The following FGD2 variants were observed in gnomAD, a reference collection of about 807,000 sequenced individuals.
FGD2 encodes the protein FYVE, RhoGEF and PH domain containing 2.
A neutral mutation model predicts 75.9 loss-of-function variants in FGD2; 52 were observed. The ratio of observed to expected loss-of-function variants is 0.69; its 90% CI spans 0.55 to 0.86. The LOEUF (loss-of-function observed/expected upper bound fraction) is 0.86. Ranked by LOEUF, FGD2 falls within the 40% of genes least tolerant of loss-of-function variation. The pLI, the probability that FGD2 is intolerant of heterozygous loss-of-function variation, is 0.00. For synonymous variants in FGD2, 347 were observed against 348.6 expected (o/e 1.00, Z 0.05); for missense variants, 790 against 872.0 (o/e 0.91, Z 1.18).
In FGD2 at chr6:37,027,990, G is replaced by C. The variant is rs748965234; in HGVS notation, c.1795G>C (p.Val599Leu). ...CTCCATCCCCCTGCTGGGCTACCAG[G>C]TGACTGTTGGGCCCCAGGGGGACCC... is the stretch of plus-strand genomic sequence containing the variant. ...HTSIPLLGYQVTVGPQGDPRV... is the reference protein window; with the variant it reads ...HTSIPLLGYQLTVGPQGDPRV... The change falls in exon 16 of 16, where the codon GTG becomes CTG. Residue 599 changes from valine (V) to leucine (L), a missense_variant. Transcript: ENST00000274963. 45 of 1,613,982 alleles carry C rather than the reference G, an allele frequency of 2.8e-5. No homozygotes were observed. In the South Asian group the frequency reaches 3.3e-4, roughly 12 times the overall value.
At chr6:37,014,399 T>C (rs571223384) in intron 6 of FGD2, 2 of 619,530 alleles carry the variant, frequency 3.2e-6, no homozygotes, top group South Asian at 4.0e-5. Flanking sequence ...AGGTCTGGCT[T>C]GTTTTGGGAA....
chr6:37,027,516 G>C lies in FGD2; in HGVS notation c.1693G>C (p.Gly565Arg). ...GDKWGKSGPR[G>R]WCVIPRDDPL... ...CAAGTGGGGCAAGAGCGGCCCCCGG[G>C]GCTGGTGTGTGATCCCTCGGGATGA... The change falls in exon 15 of 16, where the codon GGC becomes CGC. Residue 565 changes from glycine to arginine, a missense_variant. Gly to Arg is a moderately radical substitution (Grantham distance 125). Transcript: ENST00000274963. 6.2e-7 allele frequency: 1 copy of C among 1,614,112 alleles called. No individual in the cohort carries two copies. The highest frequency in any genetic ancestry group is 8.5e-7 in the Non-Finnish European group (1 of 1,179,984).
At chr6:37,011,887 A>G in intron 4 of FGD2, 33 bp downstream of exon 4, 2 of 1,607,648 alleles carry the variant, frequency 1.2e-6, no homozygotes, top group Non-Finnish European at 1.7e-6. Context: ...GAGGCCTCAG[A>G]CCACAGCCCT....
intron 9 of FGD2, among the ~76,000 whole-genome samples, chr6:37,017,434 G>A (rs1165308205): frequency 6.6e-6 from 1 of 152,238 alleles, no homozygotes; most frequent in Non-Finnish European, 1.5e-5. Context: ...TAGTTCGAGT[G>A]ACCAAGCCAG....
chr6:37,014,577 C>A, intron 6 of FGD2, 69 bp from the exon 7 acceptor site: 1 of 1,583,908 alleles, frequency 6.3e-7, no homozygotes, highest in Non-Finnish European at 8.6e-7. Context: ...TGTTGAACTT[C>A]AAGGACCTCC....
At chr6:37,008,355 T>A (rs181650084) in intron 1 of FGD2, among the ~76,000 whole-genome samples, 26 of 152,346 alleles carry the variant, frequency 1.7e-4, no homozygotes, top group Admixed American at 7.8e-4. Context: ...TGGCTCTCCC[T>A]GCTTCTGGAC....
In FGD2 at chr6:37,027,867, G is replaced by A. The variant is rs765393365; in HGVS notation, c.1753-81G>A. On this transcript the variant is annotated intron_variant, in intron 15 of 15. Coordinates refer to ENST00000274963, the MANE Select transcript of FGD2 (RefSeq NM_173558.4). ...GGTTTAGGGTGTGAGCTGTGCGTGC[G>A]TGGCTGTTGCCTTCACGATGGCTAT... 90 of 1,479,568 alleles carry A rather than the reference G, an allele frequency of 6.1e-5. 1 individual carries two copies. Among genetic ancestry groups the A allele is most frequent in the South Asian group, 7.3e-5 (6 of 82,104 alleles). The allele number at this position is 1,479,568 out of a possible 1,614,324, so 91.7% of individuals were successfully genotyped here. A position where few individuals can be genotyped will look rare whatever the true frequency, so the allele number is the denominator to read the frequency against.
At chr6:37,018,446 G>A (rs1164887511) in intron 9 of FGD2, among the ~76,000 whole-genome samples, 1 of 152,174 alleles carries the variant, frequency 6.6e-6, no homozygotes, top group Admixed American at 6.5e-5. Flanking sequence ...GGCAAATCTT[G>A]CCTTTGACCA....
Position 37,027,987 on chromosome 6 carries a change from C to T in FGD2, c.1792C>T (p.Gln598Ter). The T allele has an allele frequency of 1.2e-6, 2 of 1,614,094 alleles. No individual in the cohort carries two copies. Among genetic ancestry groups the T allele is most frequent in the Non-Finnish European group, 1.7e-6 (2 of 1,180,024 alleles). ...AHTSIPLLGY[Q>*]VTVGPQGDPR... ...CACCTCCATCCCCCTGCTGGGCTAC[C>T]AGGTGACTGTTGGGCCCCAGGGGGA... is the stretch of plus-strand genomic sequence containing the variant. The change falls in exon 16 of 16, where the codon CAG (glutamine) becomes TAG (stop). Residue 598 changes from glutamine to a stop codon, truncating the protein, a stop_gained. Transcript: ENST00000274963. LOFTEE classifies it low-confidence loss of function (END_TRUNC).
At chr6:37,026,573 T>A (rs1238615002) in intron 14 of FGD2, among the ~76,000 whole-genome samples, 1 of 152,102 alleles carries the variant, frequency 6.6e-6, no homozygotes, top group Non-Finnish European at 1.5e-5. Flanking sequence ...ACAAATACAA[T>A]GTCAACCAGC....
At position 37,022,394 on chromosome 6, in the gene FGD2, T is replaced by C. The variant is rs771649383; in HGVS notation, c.1458+24T>C. On this transcript the variant is annotated intron_variant, in intron 13 of 15. Transcript: ENST00000274963. Reference sequence around the variant, plus strand: ...ATGTGAGTACTCCTGCCAGCACTCCTGCCTCCACCTGCGTCACCCAGGCCT... The same window carrying C: ...ATGTGAGTACTCCTGCCAGCACTCCCGCCTCCACCTGCGTCACCCAGGCCT... The C allele has an allele frequency of 2.1e-5, 32 of 1,546,044 alleles. No individual in the cohort carries two copies. In the Middle Eastern group the frequency reaches 5.1e-4, roughly 25 times the overall value.
In FGD2 at chr6:37,008,909, CCCAGGACCA is replaced by C; in HGVS notation, c.146_154del (p.Pro49_Pro51del). The C allele has an allele frequency of 1.2e-6, 2 of 1,614,192 alleles. No homozygotes were observed. The highest frequency in any genetic ancestry group is 1.7e-6 in the Non-Finnish European group (2 of 1,180,030). On this transcript the variant is annotated inframe_deletion, in exon 2 of 16. Transcript: ENST00000274963. ...GCCCTGAGTGCAGGCCTCCCGAGTCCCCAGGACCACGGGAGAAGACGAATGTCGGGGAGG... is the reference window on the plus strand; with the variant it reads ...GCCCTGAGTGCAGGCCTCCCGAGTCCCGGGAGAAGACGAATGTCGGGGAGG...
chr6:37,006,393 G>A (rs1764754299), intron 1 of FGD2, among the ~76,000 whole-genome samples: 1 of 152,182 alleles, frequency 6.6e-6, no homozygotes, highest in Non-Finnish European at 1.5e-5. Flanking sequence ...CCTACTCTAA[G>A]TTCATGTCCT....
chr6:37,025,775 T>A lies in FGD2; in HGVS notation c.1459-17T>A, dbSNP rs536871567. On this transcript the variant is annotated splice_polypyrimidine_tract_variant and intron_variant, in intron 13 of 15. Transcript: ENST00000274963. ...TGCCTGGTCTCAGCCCCATGCCCCCTTATGTGTCCTCCTCAGGTGGTGTGT... is the reference window on the plus strand; with the variant it reads ...TGCCTGGTCTCAGCCCCATGCCCCCATATGTGTCCTCCTCAGGTGGTGTGT... The A allele has an allele frequency of 1.7e-4, 276 of 1,613,856 alleles. 1 individual carries two copies. The highest frequency in any genetic ancestry group is 2.2e-4 in the Non-Finnish European group (257 of 1,179,938).
chr6:37,022,500 G>A, intron 13 of FGD2, 130 bp downstream of exon 13: 1 of 1,311,388 alleles, frequency 7.6e-7, no homozygotes, highest in Non-Finnish European at 1.0e-6. Flanking sequence ...CCCCACCTCG[G>A]CCTCCATCTG....
intron 4 of FGD2, chr6:37,012,081 G>C (rs925614646): frequency 2.0e-6 from 1 of 497,248 alleles, no homozygotes; most frequent in Admixed American, 4.1e-5. Context: ...ATCAGGTCCT[G>C]GCCAAGCCAA....
chr6:37,011,547 C>T, intron 3 of FGD2, 159 bp from the exon 4 acceptor site: 1 of 1,003,046 alleles, frequency 1.0e-6, no homozygotes, highest in South Asian at 1.5e-5. Flanking sequence ...GGCCAGAACA[C>T]AACCTCCCCT....
In FGD2 at chr6:37,015,965, T is replaced by C. The variant is rs1389376463; in HGVS notation, c.1122+105T>C. The C allele has an allele frequency of 4.9e-6, 5 of 1,029,942 alleles. No individual in the cohort carries two copies. In the Admixed American group the frequency reaches 7.7e-5, roughly 16 times the overall value. The allele number at this position is 1,029,942 out of a possible 1,614,324, so 63.8% of individuals were successfully genotyped here. A position where few individuals can be genotyped will look rare whatever the true frequency, so the allele number is the denominator to read the frequency against. On this transcript the variant is annotated intron_variant, in intron 9 of 15. Coordinates refer to ENST00000274963, the MANE Select transcript of FGD2 (RefSeq NM_173558.4). ...GGTTCTCAATCACAGAACCAAACCC[T>C]TGCAGGGCCTGGGCAAACATGGAGA... is the stretch of plus-strand genomic sequence containing the variant.
At position 37,027,576 on chromosome 6, in the gene FGD2, G is replaced by A; in HGVS notation, c.1752+1G>A. Reference sequence around the variant, plus strand: ...GCTCTATGTCTATGCTGCCCCTCAGGTAAGGCCACCACCTGCCCGCCCCCC... The same window carrying A: ...GCTCTATGTCTATGCTGCCCCTCAGATAAGGCCACCACCTGCCCGCCCCCC... On this transcript the variant is annotated splice_donor_variant, in intron 15 of 15. Coordinates refer to ENST00000274963, the MANE Select transcript of FGD2 (RefSeq NM_173558.4). LOFTEE classifies it high-confidence loss of function. 6.2e-7 allele frequency: 1 copy of A among 1,613,950 alleles called. No homozygotes were observed. Among genetic ancestry groups the A allele is most frequent in the East Asian group, 2.2e-5 (1 of 44,866 alleles).
Sources: allele counts gnomAD v4.1 joint callset (sites outside exome capture counted in the v4.1 genomes callset), GRCh38; gene constraint gnomAD v4.1.1; transcripts MANE v1.5; gene names NCBI Gene and HGNC (gene_info 2026-07-23, HGNC 2026-07-21).